Variants in ZNF141 observed in about 807,000 individuals in gnomAD.
ZNF141 encodes zinc finger protein 141.
Under a neutral mutation model 11.3 loss-of-function variants are expected in ZNF141, and 7 were observed. The observed-to-expected ratio is 0.62, with a 90% CI of 0.35 to 1.16. The LOEUF is 1.16. Ranked by LOEUF, ZNF141 falls within the 50% of genes most tolerant of loss-of-function variation. The probability of loss-of-function intolerance (pLI) is 0.02; values close to 1 mark genes in which losing one functional copy is unlikely to be tolerated. For synonymous variants in ZNF141, 183 were observed against 190.7 expected (o/e 0.96, Z 0.33); for missense variants, 535 against 554.0 (o/e 0.97, Z 0.34).
rs1720866222 is a variant in ZNF141 at position 337,948 on chromosome 4, G to A, written c.-36G>A. ...GTGACCTGCGGGTATTGGATGATTG[G>A]TAGCTAAGACTCCCGAATACTTCAG... On this transcript the variant is annotated 5_prime_UTR_variant, in exon 1 of 4. Coordinates refer to ENST00000240499, the MANE Select transcript of ZNF141 (RefSeq NM_003441.4). 6.2e-7 allele frequency: 1 copy of A among 1,612,334 alleles called. No individual in the cohort carries two copies. The highest frequency in any genetic ancestry group is 8.5e-7 in the Non-Finnish European group (1 of 1,178,930).
chr4:377,762 A>T lies in ZNF141; in HGVS notation c.*3900A>T, dbSNP rs1433254863. Among the ~76,000 whole-genome samples, 1 of 152,272 alleles carries T rather than the reference A, an allele frequency of 6.6e-6. No individual in the cohort carries two copies. Among genetic ancestry groups the T allele is most frequent in the African/African-American group, 2.4e-5 (1 of 41,478 alleles). On this transcript the variant is annotated 3_prime_UTR_variant, in exon 4 of 4. Transcript: ENST00000240499. ...TTCTATCATAAAGTGTGTAAAATGT[A>T]ACAAAAGTTAGAATAAGTAAAACAT...
chr4:371,118 T>TTATATATATATA (rs149751505), intron 3 of ZNF141, among the ~76,000 whole-genome samples: 2 of 147,106 alleles, frequency 1.4e-5, no homozygotes, highest in African/African-American at 4.9e-5. Flanking sequence ...ATGTTTTCAT[T>TTATATATATATA]TATATATATA....
Position 363,591 on chromosome 4 carries a change from C to G in ZNF141, c.227-9073C>G, listed in dbSNP as rs1218191208. 2.0e-5 allele frequency among the ~76,000 whole-genome samples: 3 copies of G among 152,030 alleles called. No individual in the cohort carries two copies. The East Asian group carries it at 5.8e-4, about 29-fold the overall frequency. ...CTAACACCGTGAAACCTCGTCTGTA[C>G]TAAAAAAATGGAAACAACTAGCCGG... is the stretch of plus-strand genomic sequence containing the variant. On this transcript the variant is annotated intron_variant, in intron 3 of 3. Coordinates refer to ENST00000240499, the MANE Select transcript of ZNF141 (RefSeq NM_003441.4).
chr4:350,641 A>G (rs1358144536), intron 3 of ZNF141, among the ~76,000 whole-genome samples: 5 of 152,074 alleles, frequency 3.3e-5, no homozygotes, highest in Non-Finnish European at 7.4e-5. Context: ...CTTGAGGGAG[A>G]TGATTGGATC....
At chr4:356,842 T>G (rs180984525) in intron 3 of ZNF141, among the ~76,000 whole-genome samples, 3 of 152,326 alleles carry the variant, frequency 2.0e-5, no homozygotes, top group Non-Finnish European at 2.9e-5. Flanking sequence ...TTTCTTGAAT[T>G]TTTGTTTTGT....
At position 379,530 on chromosome 4, in the gene ZNF141, A is replaced by G. The variant is rs1048655233; in HGVS notation, c.*5668A>G. Among the ~76,000 whole-genome samples, 12 of 152,194 alleles carry G rather than the reference A, an allele frequency of 7.9e-5. No homozygotes were observed. Among genetic ancestry groups the G allele is most frequent in the South Asian group, 6.2e-4 (3 of 4,818 alleles). On this transcript the variant is annotated 3_prime_UTR_variant, in exon 4 of 4. Transcript: ENST00000240499. ...GCTGGCATTACAGGTGTGCACCACC[A>G]TGCCTGGCTAATTTTTATATTGTTA...
chr4:346,990 T>C (rs1037042367), intron 3 of ZNF141, among the ~76,000 whole-genome samples: 2 of 151,610 alleles, frequency 1.3e-5, no homozygotes, highest in African/African-American at 4.9e-5. Context: ...CCTTTGGTAG[T>C]ATGCCCAGAA....
intron 1 of ZNF141, among the ~76,000 whole-genome samples, chr4:339,423 CTCTTT>C (rs1720945937): frequency 6.6e-6 from 1 of 152,228 alleles, no homozygotes; most frequent in African/African-American, 2.4e-5. Context: ...CTTTCTTCTG[CTCTTT>C]TCTTCCCCAC....
chr4:377,961 G>A lies in ZNF141; in HGVS notation c.*4099G>A, dbSNP rs1712448705. The A allele has an allele frequency of 6.6e-6, 1 of 152,056 alleles. No individual in the cohort carries two copies. Among genetic ancestry groups the A allele is most frequent in the Non-Finnish European group, 1.5e-5 (1 of 68,000 alleles). 9.4% of individuals were successfully genotyped at this position (152,056 alleles called of 1,614,324 possible). A position where few individuals can be genotyped will look rare whatever the true frequency, so the allele number is the denominator to read the frequency against. On this transcript the variant is annotated 3_prime_UTR_variant, in exon 4 of 4. Coordinates refer to ENST00000240499, the MANE Select transcript of ZNF141 (RefSeq NM_003441.4). Reference sequence around the variant, plus strand: ...ATGGGTGGGTCATGAAGTCAAGAGAGCAAGATCATCCTGGCAAACATGGTG... The same window carrying A: ...ATGGGTGGGTCATGAAGTCAAGAGAACAAGATCATCCTGGCAAACATGGTG...
chr4:373,407 A>G lies in ZNF141; in HGVS notation c.970A>G (p.Thr324Ala), dbSNP rs1483540635. The G allele has an allele frequency of 1.2e-6, 2 of 1,613,040 alleles. No homozygotes were observed. Among genetic ancestry groups the G allele is most frequent in the African/African-American group, 1.3e-5 (1 of 74,620 alleles). Reference sequence around the variant, plus strand: ...ATGTGGCAAAGCCTTTAATAGGTCCACAACCCTTACTAAACATAAGAGAAT... The same window carrying G: ...ATGTGGCAAAGCCTTTAATAGGTCCGCAACCCTTACTAAACATAAGAGAAT... Reference protein sequence around the residue: ...EECGKAFNRSTTLTKHKRIHT... With the variant: ...EECGKAFNRSATLTKHKRIHT... Residue 324 changes from threonine to alanine, a missense_variant, in exon 4 of 4, where the codon ACA becomes GCA. Physicochemically the swap from Thr to Ala is moderately conservative, Grantham distance 58. Coordinates refer to ENST00000240499, the MANE Select transcript of ZNF141 (RefSeq NM_003441.4).
At chr4:346,275 A>G (rs532706989) in intron 3 of ZNF141, among the ~76,000 whole-genome samples, 1 of 152,324 alleles carries the variant, frequency 6.6e-6, no homozygotes, top group East Asian at 1.9e-4. Flanking sequence ...CCTAATTTGA[A>G]CATTAAGTGA....
At chr4:352,243 C>T (rs1484074272) in intron 3 of ZNF141, among the ~76,000 whole-genome samples, 4 of 152,042 alleles carry the variant, frequency 2.6e-5, no homozygotes, top group African/African-American at 7.2e-5. Flanking sequence ...AAAAATTAGC[C>T]GGGCGTGGTG....
At chr4:356,953 A>G (rs1581603280) in intron 3 of ZNF141, among the ~76,000 whole-genome samples, 1 of 151,894 alleles carries the variant, frequency 6.6e-6, no homozygotes, top group Admixed American at 6.6e-5. Flanking sequence ...TTTGCCTTCA[A>G]TTTAACCTTT....
intron 3 of ZNF141, 39 bp downstream of exon 3, chr4:344,469 G>A (rs80241916): frequency 6.4e-7 from 1 of 1,561,434 alleles, no homozygotes; most frequent in African/African-American, 1.4e-5. Flanking sequence ...ACAGGCAAGG[G>A]GACCAAAGGT....
At chr4:344,289 A>G (rs781982573) in intron 2 of ZNF141, 46 bp from the exon 3 acceptor site, 1 of 1,519,722 alleles carries the variant, frequency 6.6e-7, no homozygotes, top group South Asian at 1.1e-5. Flanking sequence ...GTAATTGGAG[A>G]ATCCCCATCA....
At chr4:355,029 GT>G (rs554810105) in intron 3 of ZNF141, among the ~76,000 whole-genome samples, 303 of 151,838 alleles carry the variant, frequency 2.0e-3, no homozygotes, top group African/African-American at 7.2e-3. Flanking sequence ...TATCATATTT[GT>G]TTTTTTCTCC....
intron 3 of ZNF141, among the ~76,000 whole-genome samples, chr4:356,230 C>CAA (rs111839333): frequency 1.0e-4 from 12 of 116,384 alleles, no homozygotes; most frequent in African/African-American, 3.0e-4. Flanking sequence ...GGCTCCGTCT[C>CAA]AAAAAAAAAA....
chr4:360,126 C>T (rs1299976555), intron 3 of ZNF141, among the ~76,000 whole-genome samples: 4 of 152,294 alleles, frequency 2.6e-5, no homozygotes, highest in Middle Eastern at 3.4e-3. Context: ...CCTCAGTCTT[C>T]GGTTCGCAGT....
At chr4:350,119 G>A in intron 3 of ZNF141, 1 of 533,870 alleles carries the variant, frequency 1.9e-6, no homozygotes, top group Non-Finnish European at 3.9e-6. Flanking sequence ...CTGTAGCTGA[G>A]ATTGAATTTG....
Sources: allele counts gnomAD v4.1 joint callset (sites outside exome capture counted in the v4.1 genomes callset), GRCh38; gene constraint gnomAD v4.1.1; transcripts MANE v1.5; gene names NCBI Gene and HGNC (gene_info 2026-07-23, HGNC 2026-07-21).